The following NME9 variants were observed in gnomAD, a reference collection of about 807,000 sequenced individuals.
The protein encoded by NME9 is NME/NM23 family member 9, also known as thioredoxin domain-containing protein 6.
Under a neutral mutation model 44.4 loss-of-function variants are expected in NME9, and 48 were observed. The observed-to-expected ratio is 1.08, with a 90% CI of 0.86 to 1.37. The LOEUF (loss-of-function observed/expected upper bound fraction) is 1.37. Ranked by LOEUF, NME9 falls within the 40% of genes most tolerant of loss-of-function variation. The pLI is 0.00. For missense variants in NME9, 325 were observed against 405.2 expected (o/e 0.80, Z 1.70); for synonymous variants, 139 against 147.1 (o/e 0.94, Z 0.40).
In NME9 at chr3:138,319,489, G is replaced by A. The variant is rs759138378; in HGVS notation, c.184C>T (p.His62Tyr). The A allele has an allele frequency of 3.8e-6, 6 of 1,596,564 alleles. No individual in the cohort carries two copies. The East Asian group carries it at 1.3e-4, about 36-fold the overall frequency. Residue 62 changes from histidine (H) to tyrosine (Y), a missense_variant, in exon 3 of 11, where the codon CAC (histidine) becomes TAC (tyrosine). Physicochemically the swap from His to Tyr is moderately conservative, Grantham distance 83. Coordinates refer to ENST00000333911, the MANE Select transcript of NME9 (RefSeq NM_001349018.2). ...MRIEVGLDLL[H>Y]FALAEADRLD... ...AGAGAGAATCTTACTAATGCAAAGT[G>A]CAGAAGGTCCAGGCCGACCTCGATC... is the stretch of plus-strand genomic sequence containing the variant.
intron 3 of NME9, 88 bp from the exon 4 acceptor site, chr3:138,318,307 AC>A: frequency 1.2e-6 from 1 of 846,324 alleles, no homozygotes; most frequent in African/African-American, 1.7e-5. Context: ...GGAACTGAAC[AC>A]CCCCAGGACT....
rs1322238525 is a variant in NME9 at position 138,303,528 on chromosome 3, T to A, written c.907A>T (p.Lys303Ter). The A allele has an allele frequency of 6.2e-7, 1 of 1,613,848 alleles. No homozygotes were observed. Among genetic ancestry groups the A allele is most frequent in the Non-Finnish European group, 8.5e-7 (1 of 1,179,692 alleles). ...TTACCCTGAGGGGCTTCTGTATCTTTGTCTGAAAATTTCAAACTGGGGAAG... is the reference window on the plus strand; with the variant it reads ...TTACCCTGAGGGGCTTCTGTATCTTAGTCTGAAAATTTCAAACTGGGGAAG... ...LLFPSLKFSD[K>*]DTEAPQGGEA... Residue 303 changes from lysine (K) to a stop codon, truncating the protein, a stop_gained, in exon 10 of 11, where the codon AAA becomes TAA. Transcript: ENST00000333911. LOFTEE classifies it low-confidence loss of function (END_TRUNC).
At chr3:138,281,216 G>GT (rs2049880340) in intron 8 of NME9, among the ~76,000 whole-genome samples, 1 of 151,936 alleles carries the variant, frequency 6.6e-6, no homozygotes, top group Non-Finnish European at 1.5e-5. Flanking sequence ...TTAATGGTGT[G>GT]GGTGTGTGTG....
intron 1 of NME9, 113 bp from the exon 2 acceptor site, chr3:138,325,043 T>G: frequency 1.2e-6 from 1 of 833,348 alleles, no homozygotes; most frequent in Non-Finnish European, 2.0e-6. Context: ...ACAAGTACAG[T>G]TCAAGTTATC....
intron 6 of NME9, among the ~76,000 whole-genome samples, chr3:138,313,910 G>A (rs1228896893): frequency 6.6e-6 from 1 of 152,176 alleles, no homozygotes; most frequent in Admixed American, 6.5e-5. Context: ...AGGCCAGGAA[G>A]TGGAGAGAGA....
At position 138,301,323 on chromosome 3, in the gene NME9, GC is replaced by G. The variant is rs2051831928; in HGVS notation, c.*316del. The G allele has an allele frequency of 8.4e-6, 3 of 357,240 alleles. No homozygotes were observed. The highest frequency in any genetic ancestry group is 4.3e-5 in the African/African-American group (2 of 46,302). 22.1% of individuals were successfully genotyped at this position (357,240 alleles called of 1,614,324 possible). ...GGGTTCAAGCGATTCTCATGCCTAAGCCACCCGAGTAGCTGGATGACAGGTG... is the reference window on the plus strand; with the variant it reads ...GGGTTCAAGCGATTCTCATGCCTAAGCACCCGAGTAGCTGGATGACAGGTG... On this transcript the variant is annotated 3_prime_UTR_variant, in exon 11 of 11. Coordinates refer to ENST00000333911, the MANE Select transcript of NME9 (RefSeq NM_001349018.2).
rs1382667916 is a variant in NME9, at chr3:138,319,568, A to G, written c.105T>C (p.Tyr35=). 5.0e-6 allele frequency: 8 copies of G among 1,606,714 alleles called. No individual in the cohort carries two copies. The highest frequency in any genetic ancestry group is 6.8e-6 in the Non-Finnish European group (8 of 1,173,396). ...SSKGLTVVDV[Y]QGWCGPCKPV... is the part of the protein sequence containing the mutation. ...GTTTGCAGGGGCCACACCAGCCTTG[A>G]TAGACATCAACAACTGTGTGGAACC... Residue 35 remains tyrosine (Y), a synonymous_variant, in exon 3 of 11, where the codon TAT becomes TAC. Transcript: ENST00000333911.
intron 2 of NME9, among the ~76,000 whole-genome samples, chr3:138,322,241 C>T (rs537692654): frequency 3.9e-4 from 60 of 152,184 alleles, no homozygotes; most frequent in African/African-American, 1.4e-3. Flanking sequence ...TTAGCCTAAA[C>T]TCTCTGTGCT....
At chr3:138,295,863 A>G (rs770858025) in intron 8 of NME9, 1 of 1,613,744 alleles carries the variant, frequency 6.2e-7, no homozygotes, top group Non-Finnish European at 8.5e-7. Flanking sequence ...TTTCAGGGCA[A>G]AGATGGCACT....
At chr3:138,313,363 A>G (rs1291944200) in intron 6 of NME9, among the ~76,000 whole-genome samples, 3 of 152,256 alleles carry the variant, frequency 2.0e-5, no homozygotes, top group South Asian at 2.1e-4. Flanking sequence ...CTGCACTCCA[A>G]CCTGGGCGAC....
At chr3:138,304,735 C>T in intron 9 of NME9, 138 bp downstream of exon 9, 1 of 876,748 alleles carries the variant, frequency 1.1e-6, no homozygotes, top group Non-Finnish European at 1.8e-6. Context: ...CAGGGTCTCC[C>T]CAAATATATA....
chr3:138,277,053 T>C (rs1385007026), intron 8 of NME9, among the ~76,000 whole-genome samples: 1 of 152,146 alleles, frequency 6.6e-6, no homozygotes, highest in African/African-American at 2.4e-5. Flanking sequence ...ATGAAGACAG[T>C]ATGGTCTTAG....
At chr3:138,282,900 C>A (rs1217108863) in intron 8 of NME9, among the ~76,000 whole-genome samples, 1 of 152,162 alleles carries the variant, frequency 6.6e-6, no homozygotes, top group Non-Finnish European at 1.5e-5. Flanking sequence ...TTATTGATTT[C>A]CTTAGAGTAT....
intron 8 of NME9, chr3:138,264,169 G>A (rs2048025758): frequency 1.9e-6 from 3 of 1,613,866 alleles, no homozygotes; most frequent in African/African-American, 1.3e-5. Context: ...CAGCAGCTTC[G>A]AACCAGTTTC....
rs1388500834 is a variant in NME9 at position 138,329,808 on chromosome 3, G to C, written c.-473C>G. The C allele has an allele frequency of 2.0e-6, 2 of 986,910 alleles. No individual in the cohort carries two copies. Among genetic ancestry groups the C allele is most frequent in the African/African-American group, 3.5e-5 (2 of 57,306 alleles). 61.1% of individuals were successfully genotyped at this position (986,910 alleles called of 1,614,324 possible). On this transcript the variant is annotated 5_prime_UTR_variant, in exon 1 of 11. Transcript: ENST00000333911. The stretch of plus-strand genomic sequence containing the variant: ...GTACAAGATCTTCGACGCGCCCGGA[G>C]TCACCAACCGAGTCTGCCGCGACCT...
intron 8 of NME9, among the ~76,000 whole-genome samples, chr3:138,270,714 G>A (rs544353535): frequency 9.8e-4 from 149 of 152,146 alleles, no homozygotes; most frequent in African/African-American, 3.3e-3. Flanking sequence ...TTAACTTGTC[G>A]AAGGTAATAA....
At chr3:138,305,867 A>G (rs1170804142) in intron 8 of NME9, 137 bp downstream of exon 8, 1 of 681,502 alleles carries the variant, frequency 1.5e-6, no homozygotes, top group Non-Finnish European at 2.6e-6. Context: ...TTCTGAGAAT[A>G]AATTCATGAC....
chr3:138,307,020 C>G (rs1209859715), intron 6 of NME9, among the ~76,000 whole-genome samples: 1 of 152,226 alleles, frequency 6.6e-6, no homozygotes, highest in Admixed American at 6.5e-5. Context: ...CCCTTTCCTG[C>G]CATGTGGCTA....
At chr3:138,278,693 A>G (rs1283941566) in intron 8 of NME9, among the ~76,000 whole-genome samples, 3 of 152,172 alleles carry the variant, frequency 2.0e-5, no homozygotes, top group African/African-American at 4.8e-5. Context: ...ATTCATGAAT[A>G]TATCTTCCCA....
Sources: gnomAD v4.1 joint callset for allele counts (sites outside exome capture counted in the v4.1 genomes callset) on GRCh38, gnomAD v4.1.1 for gene constraint, MANE v1.5 for transcripts, NCBI Gene and HGNC (gene_info 2026-07-23, HGNC 2026-07-21) for gene names.